Variants in RAB3GAP2 observed in about 807,000 individuals in gnomAD.
The protein encoded by RAB3GAP2 is rab3 GTPase-activating protein non-catalytic subunit.
A neutral mutation model predicts 185.3 loss-of-function variants in RAB3GAP2; 87 were observed. That is an observed-to-expected ratio of 0.47 (90% confidence interval 0.39 to 0.56). The LOEUF (loss-of-function observed/expected upper bound fraction) is 0.56, where lower values mean the gene tolerates loss of function less well. Ranked by LOEUF, RAB3GAP2 falls within the 20% of genes least tolerant of loss-of-function variation. The pLI, the probability that RAB3GAP2 is intolerant of heterozygous loss-of-function variation, is 0.00. For missense variants in RAB3GAP2, 1,492 were observed against 1,638.2 expected, an observed-to-expected ratio of 0.91 and a Z score of 1.54; for synonymous variants, 554 against 576.1, an observed-to-expected ratio of 0.96 and a Z score of 0.55.
At position 220,210,805 on chromosome 1, in the gene RAB3GAP2, G is replaced by C. The variant is rs140312751; in HGVS notation, c.506C>G (p.Thr169Ser). The C allele has an allele frequency of 6.2e-7, 1 of 1,612,804 alleles. No individual in the cohort carries two copies. The highest frequency in any genetic ancestry group is 1.1e-5 in the South Asian group (1 of 90,926). Reference sequence around the variant, plus strand: ...GCTGTTGAAAACTCAACTCACCTCAGTGTAGAAGCGTACATAACCTGAAGT... The same window carrying C: ...GCTGTTGAAAACTCAACTCACCTCACTGTAGAAGCGTACATAACCTGAAGT... ...GFTSGYVRFY[T>S]ENGVLLLAQL... Residue 169 changes from threonine (T) to serine (S), a missense_variant, in exon 6 of 35, where the codon ACT (threonine) becomes AGT (serine). Thr to Ser is a moderately conservative substitution (Grantham distance 58, BLOSUM62 1). Around this residue, in one of 5 missense-constraint regions of RAB3GAP2, gnomAD observed 243 missense variants for 314.8 expected, o/e 0.77. Coordinates refer to ENST00000358951, the MANE Select transcript of RAB3GAP2 (RefSeq NM_012414.4).
intron 1 of RAB3GAP2, among the ~76,000 whole-genome samples, chr1:220,269,963 C>T (rs554401806): frequency 1.1e-4 from 16 of 152,190 alleles, no homozygotes; most frequent in Non-Finnish European, 2.1e-4. Flanking sequence ...TGCTATCCTT[C>T]ACAGCCAAGC....
chr1:220,212,983 A>T lies in RAB3GAP2; in HGVS notation c.305-15T>A. On this transcript the variant is annotated splice_polypyrimidine_tract_variant and intron_variant, in intron 3 of 34. Coordinates refer to ENST00000358951, the MANE Select transcript of RAB3GAP2 (RefSeq NM_012414.4). ...TTTCCATTTTGCTGTAAGAATTAAG[A>T]TATCATATAAAATAATTTTAGCTAT... is the stretch of plus-strand genomic sequence containing the variant. 8 of 1,571,950 alleles carry T rather than the reference A, an allele frequency of 5.1e-6. No individual in the cohort carries two copies. The highest frequency in any genetic ancestry group is 7.0e-6 in the Non-Finnish European group (8 of 1,146,638).
chr1:220,151,055 A>G lies in RAB3GAP2; in HGVS notation c.*196T>C. 1 of 560,146 alleles carries G rather than the reference A, an allele frequency of 1.8e-6. No individual in the cohort carries two copies. The highest frequency in any genetic ancestry group is 3.1e-6 in the Non-Finnish European group (1 of 321,564). The allele number at this position is 560,146 out of a possible 1,614,324, so 34.7% of individuals were successfully genotyped here. A position where few individuals can be genotyped will look rare whatever the true frequency, so the allele number is the denominator to read the frequency against. ...CAGAGTTGACATTTGTTTATATTTT[A>G]TCTTCAGTATTAACCAAAGGAGTGG... On this transcript the variant is annotated 3_prime_UTR_variant, in exon 35 of 35. Coordinates refer to ENST00000358951, the MANE Select transcript of RAB3GAP2 (RefSeq NM_012414.4).
chr1:220,185,688 G>A lies in RAB3GAP2; in HGVS notation c.1833C>T (p.Asn611=), dbSNP rs1279165438. The part of the protein sequence containing the change: ...SERLPFSCLR[N]ITQTLMDTLK... Reference sequence around the variant, plus strand: ...AAGTGTCCATTAAAGTCTGAGTGATGTTTCTAAGGCAAGAAAATGGTAAAC... The same window carrying A: ...AAGTGTCCATTAAAGTCTGAGTGATATTTCTAAGGCAAGAAAATGGTAAAC... Residue 611 remains asparagine, a synonymous_variant, in exon 18 of 35, where the codon AAC becomes AAT. Transcript: ENST00000358951. 6.2e-7 allele frequency: 1 copy of A among 1,612,496 alleles called. No individual in the cohort carries two copies. The highest frequency in any genetic ancestry group is 1.1e-5 in the South Asian group (1 of 91,048).
intron 28 of RAB3GAP2, among the ~76,000 whole-genome samples, chr1:220,159,796 CA>C (rs1240488168): frequency 6.6e-6 from 1 of 151,946 alleles, no homozygotes; most frequent in Non-Finnish European, 1.5e-5. Flanking sequence ...GTGGGCCGAC[CA>C]CTTGAGGTCA....
chr1:220,171,034 G>T lies in RAB3GAP2; in HGVS notation c.2664C>A (p.Leu888=), dbSNP rs761262594. ...ALSLDTEYWK[L]LLKQLEDCLI... ...GACAATCCTCCAGCTGTTTCAGAAG[G>T]AGTTTCCAGTACTCAGTGTCAAGAG... Residue 888 remains leucine, a synonymous_variant, in exon 24 of 35, where the codon CTC becomes CTA. Transcript: ENST00000358951. 1.2e-6 allele frequency: 2 copies of T among 1,614,114 alleles called. No individual in the cohort carries two copies. Among genetic ancestry groups the T allele is most frequent in the Non-Finnish European group, 1.7e-6 (2 of 1,179,990 alleles).
chr1:220,208,768 G>C (rs1381779618), intron 7 of RAB3GAP2, among the ~76,000 whole-genome samples: 1 of 151,926 alleles, frequency 6.6e-6, no homozygotes, highest in Non-Finnish European at 1.5e-5. Context: ...CCAGGCTGGA[G>C]TGTAGTGGCA....
chr1:220,154,248 T>C (rs931692433), intron 31 of RAB3GAP2, 191 bp from the exon 32 acceptor site: 10 of 740,698 alleles, frequency 1.4e-5, no homozygotes, highest in Non-Finnish European at 1.8e-5. Flanking sequence ...AACCCAGTGA[T>C]CCCCTCCTCC....
At chr1:220,242,137 G>GA (rs1329636224) in intron 1 of RAB3GAP2, among the ~76,000 whole-genome samples, 2 of 152,102 alleles carry the variant, frequency 1.3e-5, no homozygotes, top group Non-Finnish European at 2.9e-5. Context: ...TACACACAGA[G>GA]AAAGTCTGAT....
In RAB3GAP2 at chr1:220,182,353, A is replaced by G; in HGVS notation, c.2214T>C (p.Gly738=). The change falls in exon 21 of 35, where the codon GGT becomes GGC. Residue 738 remains glycine (G), a splice_region_variant and synonymous_variant. Transcript: ENST00000358951. ...GCAAACACTTCCAAAAAAAGAAACT[A>G]CCTGGTAGAAGAAAAACAAAGCACA... is the stretch of plus-strand genomic sequence containing the variant. ...KISEEEYVAL[G]SFFFWKCLHG... The G allele has an allele frequency of 1.9e-6, 3 of 1,614,036 alleles. No homozygotes were observed. The highest frequency in any genetic ancestry group is 2.5e-6 in the Non-Finnish European group (3 of 1,179,944).
rs988605999 is a variant in RAB3GAP2 at position 220,158,295 on chromosome 1, G to A, written c.3262-419C>T. On this transcript the variant is annotated intron_variant, in intron 29 of 34. Coordinates refer to ENST00000358951, the MANE Select transcript of RAB3GAP2 (RefSeq NM_012414.4). This position sits in a 1 kb window ranked among gnomAD's most constrained non-coding sequence, Gnocchi z 4.3. ...AAACAGCCTGGTCTGCTTTCAGAGC[G>A]TCTTTTAGAGACTGAACCCGACCCT... Among the ~76,000 whole-genome samples the A allele has an allele frequency of 7.2e-5, 11 of 152,234 alleles. No individual in the cohort carries two copies. Among genetic ancestry groups the A allele is most frequent in the East Asian group, 5.8e-4 (3 of 5,170 alleles).
chr1:220,213,742 G>A (rs1047125829), intron 3 of RAB3GAP2, 114 bp downstream of exon 3: 18 of 988,042 alleles, frequency 1.8e-5, no homozygotes, highest in East Asian at 6.0e-5. Flanking sequence ...TGGGGGGGGG[G>A]GGAGAGAGAG....
chr1:220,246,992 A>G (rs1434526849), intron 1 of RAB3GAP2, among the ~76,000 whole-genome samples: 1 of 152,222 alleles, frequency 6.6e-6, no homozygotes, highest in East Asian at 1.9e-4. Context: ...AACAGCCAAC[A>G]AATACATAAA....
intron 17 of RAB3GAP2, among the ~76,000 whole-genome samples, chr1:220,187,322 G>A (rs964872499): frequency 6.6e-6 from 1 of 152,090 alleles, no homozygotes; most frequent in Non-Finnish European, 1.5e-5. Flanking sequence ...GAGGTGCTAG[G>A]AGAACCTTTT....
intron 1 of RAB3GAP2, among the ~76,000 whole-genome samples, chr1:220,252,168 A>AG (rs1377423849): frequency 6.6e-6 from 1 of 151,176 alleles, no homozygotes; most frequent in Non-Finnish European, 1.5e-5. Context: ...AAAAAAAAAA[A>AG]AAGAGAAAAT....
At chr1:220,172,105 C>A (rs1379662242) in intron 22 of RAB3GAP2, 56 bp from the exon 23 acceptor site, 1 of 1,568,406 alleles carries the variant, frequency 6.4e-7, no homozygotes, top group East Asian at 2.3e-5. Flanking sequence ...ATTTTTTGGA[C>A]TAACCATTTA....
Position 220,191,163 on chromosome 1 carries a change from G to C in RAB3GAP2, c.1392C>G (p.Phe464Leu). 2 of 1,613,982 alleles carry C rather than the reference G, an allele frequency of 1.2e-6. No homozygotes were observed. The highest frequency in any genetic ancestry group is 1.7e-6 in the Non-Finnish European group (2 of 1,179,948). Residue 464 changes from phenylalanine (F) to leucine (L), a missense_variant, in exon 14 of 35, where the codon TTC becomes TTG. Transcript: ENST00000358951. ...NSQGPSRVAQ[F>L]LVIYAPRRGI... is the part of the protein sequence containing the mutation. ...CCCTTCTTGGCGCATAGATCACAAG[G>C]AATTGAGCTACTCGACTTGGACCCT... is the stretch of plus-strand genomic sequence containing the variant.
At chr1:220,189,628 A>T in intron 17 of RAB3GAP2, 75 bp downstream of exon 17, 1 of 1,391,228 alleles carries the variant, frequency 7.2e-7, no homozygotes, top group Non-Finnish European at 9.7e-7. Context: ...TGGGGGAAAT[A>T]GGAAAATAAA....
chr1:220,226,654 CCTTTT>C (rs1192184287), intron 2 of RAB3GAP2, among the ~76,000 whole-genome samples: 1 of 152,056 alleles, frequency 6.6e-6, no homozygotes, highest in Non-Finnish European at 1.5e-5. Context: ...GTTCTGCTTG[CCTTTT>C]CAGTCTCTTA....
Sources: gnomAD v4.1 joint callset for allele counts (sites outside exome capture counted in the v4.1 genomes callset) on GRCh38, gnomAD v4.1.1 for gene constraint, gnomAD v4.1.1 regional missense constraint, Gnocchi (gnomAD v3.1) non-coding constraint, MANE v1.5 for transcripts, NCBI Gene and HGNC (gene_info 2026-07-23, HGNC 2026-07-21) for gene names.